The following ZNF813 variants were observed in gnomAD, a reference collection of about 807,000 sequenced individuals.
ZNF813 encodes zinc finger protein 813.
In ZNF813, 3 loss-of-function variants were observed where a neutral mutation model predicts 7.2. The observed-to-expected ratio is 0.42, with a 90% confidence interval of 0.19 to 1.08. The LOEUF is 1.08. Ranked by LOEUF, ZNF813 falls within the 50% of genes least tolerant of loss-of-function variation. The probability of loss-of-function intolerance (pLI) is 0.30; values close to 1 mark genes in which losing one functional copy is unlikely to be tolerated. For synonymous variants in ZNF813, 227 were observed against 256.3 expected, an observed-to-expected ratio of 0.89 and a Z score of 1.09; for missense variants, 714 against 753.3, an observed-to-expected ratio of 0.95 and a Z score of 0.61.
At chr19:53,474,502 C>A (rs554575973) in intron 1 of ZNF813, among the ~76,000 whole-genome samples, 1 of 152,060 alleles carries the variant, frequency 6.6e-6, no homozygotes, top group Non-Finnish European at 1.5e-5. Flanking sequence ...GTATGAGCAA[C>A]ATGGTGACGT....
At chr19:53,476,876 A>T (rs62115395) in intron 1 of ZNF813, among the ~76,000 whole-genome samples, 8,674 of 151,910 alleles carry the variant, frequency 0.057, 409 homozygotes, top group Non-Finnish European at 0.085. Flanking sequence ...GTTAACCAGG[A>T]TGGTCTCGAT....
intron 1 of ZNF813, among the ~76,000 whole-genome samples, chr19:53,468,776 C>A (rs1337238157): frequency 6.6e-6 from 1 of 151,932 alleles, no homozygotes; most frequent in East Asian, 1.9e-4. Flanking sequence ...CAGAATAGAA[C>A]GAATGGAAAT....
chr19:53,472,139 A>G (rs1388432288), intron 1 of ZNF813, among the ~76,000 whole-genome samples: 2 of 152,128 alleles, frequency 1.3e-5, no homozygotes, highest in Non-Finnish European at 2.9e-5. Flanking sequence ...GGAGACATGT[A>G]TGGGGTAACC....
Position 53,490,403 on chromosome 19 carries a change from G to A in ZNF813, c.171G>A (p.Glu57=). The A allele has an allele frequency of 6.2e-7, 1 of 1,614,080 alleles. No individual in the cohort carries two copies. The highest frequency in any genetic ancestry group is 8.5e-7 in the Non-Finnish European group (1 of 1,179,994). The part of the protein sequence containing the change: ...LDISSKCMMK[E]FSSTAQGNRE... ...TCTCTTCCAAATGCATGATGAAGGA[G>A]TTCTCATCAACAGCACAAGGCAATA... Residue 57 remains glutamate (E), a synonymous_variant, in exon 4 of 4, where the codon GAG becomes GAA. Transcript: ENST00000396403.
In ZNF813 at chr19:53,483,852, T is replaced by C. The variant is rs1444533577; in HGVS notation, c.15+15T>C. The C allele has an allele frequency of 1.9e-6, 3 of 1,613,914 alleles. No homozygotes were observed. The East Asian group carries it at 6.7e-5, about 36-fold the overall frequency. ...CTCTTCCTCAGGTGAGATGATATTT[T>C]TGGTGGATTGTTCTGTCTCCTTCCC... is the stretch of plus-strand genomic sequence containing the variant. On this transcript the variant is annotated intron_variant, in intron 2 of 3. Coordinates refer to ENST00000396403, the MANE Select transcript of ZNF813 (RefSeq NM_001004301.4).
In ZNF813 at chr19:53,493,955, T is replaced by C. The variant is rs2086475424; in HGVS notation, c.*1869T>C. The C allele has an allele frequency of 6.6e-6, 1 of 152,384 alleles. No individual in the cohort carries two copies. The highest frequency in any genetic ancestry group is 1.5e-5 in the Non-Finnish European group (1 of 68,058). 9.4% of individuals were successfully genotyped at this position (152,384 alleles called of 1,614,324 possible). On this transcript the variant is annotated 3_prime_UTR_variant, in exon 4 of 4. Coordinates refer to ENST00000396403, the MANE Select transcript of ZNF813 (RefSeq NM_001004301.4). The stretch of plus-strand genomic sequence containing the variant: ...GGCCTTTCTATTGTTGAGGTAAATT[T>C]CCTTTTCTGTCTATTTTGTTCAGAA...
intron 1 of ZNF813, among the ~76,000 whole-genome samples, chr19:53,476,167 A>T (rs1039743905): frequency 6.6e-5 from 10 of 151,990 alleles, no homozygotes; most frequent in Non-Finnish European, 1.3e-4. Flanking sequence ...TGCTTTTTTG[A>T]TATTTTGTAA....
At chr19:53,469,854 G>T (rs189336134) in intron 1 of ZNF813, among the ~76,000 whole-genome samples, 311 of 151,998 alleles carry the variant, frequency 2.0e-3, no homozygotes, top group African/African-American at 6.9e-3. Flanking sequence ...AGGAGGCGCA[G>T]AGATGGTGTT....
rs1279916213 is a variant in ZNF813 at position 53,491,040 on chromosome 19, C to T, written c.808C>T (p.Pro270Ser). 2.5e-6 allele frequency: 4 copies of T among 1,614,044 alleles called. No homozygotes were observed. The South Asian group carries it at 3.3e-5, about 13-fold the overall frequency. ...CHRRCHTGEK[P>S]YRCNECGKTF... ...TCGTAGATGTCACACTGGGGAGAAA[C>T]CTTACAGGTGTAATGAGTGTGGCAA... The change falls in exon 4 of 4, where the codon CCT becomes TCT. Residue 270 changes from proline to serine, a missense_variant. Coordinates refer to ENST00000396403, the MANE Select transcript of ZNF813 (RefSeq NM_001004301.4).
chr19:53,472,947 A>G (rs949711329), intron 1 of ZNF813, among the ~76,000 whole-genome samples: 2 of 152,076 alleles, frequency 1.3e-5, no homozygotes, highest in Non-Finnish European at 2.9e-5. Flanking sequence ...GTCCTTGTAC[A>G]CTCATAATAA....
At chr19:53,470,896 A>C (rs1232165143) in intron 1 of ZNF813, among the ~76,000 whole-genome samples, 16 of 152,056 alleles carry the variant, frequency 1.1e-4, no homozygotes, top group Admixed American at 9.8e-4. Context: ...TTGCTGGGCC[A>C]GTAAGTCTAA....
Position 53,492,968 on chromosome 19 carries a change from C to T in ZNF813, c.*882C>T. 1 of 464,056 alleles carries T rather than the reference C, an allele frequency of 2.2e-6. No homozygotes were observed. 28.7% of individuals were successfully genotyped at this position (464,056 alleles called of 1,614,324 possible). A position where few individuals can be genotyped will look rare whatever the true frequency, so the allele number is the denominator to read the frequency against. ...TGGACGGAAATCTTACAAATGTCAT[C>T]AGTGTGGCAAGGTTTTCAGTCTGAC... is the stretch of plus-strand genomic sequence containing the variant. On this transcript the variant is annotated 3_prime_UTR_variant, in exon 4 of 4. Transcript: ENST00000396403.
intron 2 of ZNF813, among the ~76,000 whole-genome samples, chr19:53,484,059 G>C (rs1470820170): frequency 6.6e-6 from 1 of 152,028 alleles, no homozygotes; most frequent in Non-Finnish European, 1.5e-5. Context: ...TCCTGGGAAG[G>C]GCTCACACCC....
Position 53,492,369 on chromosome 19 carries a change from A to G in ZNF813, c.*283A>G, listed in dbSNP as rs2086468273. ...ACAGGAGAATTCATACTGGAGAGAAAGCTTACAAAGGTGAAGAATATCACA... is the reference window on the plus strand; with the variant it reads ...ACAGGAGAATTCATACTGGAGAGAAGGCTTACAAAGGTGAAGAATATCACA... On this transcript the variant is annotated 3_prime_UTR_variant, in exon 4 of 4. Transcript: ENST00000396403. 1.3e-5 allele frequency: 7 copies of G among 549,822 alleles called. No homozygotes were observed. Among genetic ancestry groups the G allele is most frequent in the Non-Finnish European group, 2.0e-5 (6 of 305,990 alleles). The allele number at this position is 549,822 out of a possible 1,614,324, so 34.1% of individuals were successfully genotyped here. A position where few individuals can be genotyped will look rare whatever the true frequency, so the allele number is the denominator to read the frequency against.
intron 1 of ZNF813, among the ~76,000 whole-genome samples, chr19:53,482,796 C>T (rs2147159258): frequency 7.1e-6 from 1 of 140,800 alleles, no homozygotes; most frequent in East Asian, 2.2e-4. Context: ...GTGATCTTGG[C>T]TCACTGCAAC....
intron 1 of ZNF813, among the ~76,000 whole-genome samples, chr19:53,474,025 T>A (rs2086371360): frequency 6.6e-6 from 1 of 152,236 alleles, no homozygotes; most frequent in Non-Finnish European, 1.5e-5. Context: ...TTCTATTTTA[T>A]TTTTAGCAGT....
In ZNF813 at chr19:53,491,810, T is replaced by C. The variant is rs1202663706; in HGVS notation, c.1578T>C (p.Asn526=). 1.9e-6 allele frequency: 3 copies of C among 1,613,676 alleles called. No homozygotes were observed. The highest frequency in any genetic ancestry group is 1.6e-4 in the Middle Eastern group (1 of 6,078). Residue 526 remains asparagine, a synonymous_variant, in exon 4 of 4, where the codon AAT becomes AAC. Transcript: ENST00000396403. ...LHTGEKPYKC[N]ECGKVFNRKT... ...CTGGAGAGAAACCTTACAAGTGTAATGAATGTGGCAAGGTTTTTAATCGAA... is the reference window on the plus strand; with the variant it reads ...CTGGAGAGAAACCTTACAAGTGTAACGAATGTGGCAAGGTTTTTAATCGAA...
At chr19:53,486,183 C>T (rs1425666130) in intron 2 of ZNF813, among the ~76,000 whole-genome samples, 2 of 152,222 alleles carry the variant, frequency 1.3e-5, no homozygotes, top group African/African-American at 2.4e-5. Context: ...CTGGGCCGGG[C>T]GCGGTGGATC....
intron 1 of ZNF813, chr19:53,480,266 C>T (rs1254688325): frequency 2.4e-5 from 18 of 743,678 alleles, no homozygotes; most frequent in Non-Finnish European, 3.5e-5. Context: ...TCTGCCTCTT[C>T]CTGGAGATTC....
Sources: gnomAD v4.1 joint callset for allele counts (sites outside exome capture counted in the v4.1 genomes callset) on GRCh38, gnomAD v4.1.1 for gene constraint, MANE v1.5 for transcripts, NCBI Gene and HGNC (gene_info 2026-07-23, HGNC 2026-07-21) for gene names.